Variants in KCNJ6 observed in about 807,000 individuals in gnomAD.
KCNJ6 encodes G protein-activated inward rectifier potassium channel 2.
A neutral mutation model predicts 34.2 loss-of-function variants in KCNJ6; 9 were observed. The observed-to-expected ratio is 0.26, with a 90% CI of 0.16 to 0.46. KCNJ6 has a LOEUF of 0.46. Among genes scored for constraint, KCNJ6 ranks in the 20% least tolerant of loss-of-function variants. The pLI is 1.00. For missense variants in KCNJ6, 236 were observed against 531.3 expected (o/e 0.44, Z 5.46); for synonymous variants, 196 against 207.1 (o/e 0.95, Z 0.46).
At chr21:37,718,294 C>T (rs1476859966) in intron 2 of KCNJ6, among the ~76,000 whole-genome samples, 1 of 152,172 alleles carries the variant, frequency 6.6e-6, no homozygotes. Flanking sequence ...ACCAGAAAAG[C>T]AATGATTGTG....
chr21:37,860,149 C>T (rs1399470026), intron 1 of KCNJ6, among the ~76,000 whole-genome samples: 4 of 152,200 alleles, frequency 2.6e-5, no homozygotes, highest in Non-Finnish European at 1.5e-5. Flanking sequence ...CCCAAACCCA[C>T]CTGCTGCTCG....
chr21:37,889,761 C>T (rs1016745531), intron 1 of KCNJ6, among the ~76,000 whole-genome samples: 4 of 152,124 alleles, frequency 2.6e-5, no homozygotes, highest in Admixed American at 6.5e-5. Context: ...CAATCTCTGC[C>T]ACCATCTTCA....
intron 1 of KCNJ6, among the ~76,000 whole-genome samples, chr21:37,855,987 G>A (rs1053215913): frequency 2.0e-5 from 3 of 152,222 alleles, no homozygotes; most frequent in South Asian, 2.1e-4. Flanking sequence ...GCAGGGGAGA[G>A]GGGGTGGAAG....
chr21:37,901,947 T>C (rs1456586780), intron 1 of KCNJ6, among the ~76,000 whole-genome samples: 2 of 152,236 alleles, frequency 1.3e-5, no homozygotes, highest in African/African-American at 4.8e-5. Flanking sequence ...TAATTTGTTT[T>C]TTTTAATTAT....
chr21:37,847,863 T>G (rs2055517453), intron 1 of KCNJ6, among the ~76,000 whole-genome samples: 1 of 151,604 alleles, frequency 6.6e-6, no homozygotes, highest in Admixed American at 6.6e-5. Context: ...AGAACCAGGG[T>G]GTGCCTCACG....
intron 2 of KCNJ6, among the ~76,000 whole-genome samples, chr21:37,767,188 C>T (rs893350111): frequency 6.6e-6 from 1 of 152,158 alleles, no homozygotes; most frequent in African/African-American, 2.4e-5. Context: ...TATCTGACAG[C>T]TTCAAGGATT....
At chr21:37,773,357 A>G (rs2123505329) in intron 2 of KCNJ6, among the ~76,000 whole-genome samples, 1 of 152,268 alleles carries the variant, frequency 6.6e-6, no homozygotes, top group Non-Finnish European at 1.5e-5. Flanking sequence ...TTCATTTTCA[A>G]GGGCAGGAAC....
Position 37,773,936 on chromosome 21 carries a change from C to T in KCNJ6, c.26-58805G>A, listed in dbSNP as rs191997826. ...CTGGGCTCTGTACTTCTCATGACCC[C>T]GTATTTCCTCTGGGTCACCCTCATG... On this transcript the variant is annotated intron_variant, in intron 2 of 3. Coordinates refer to ENST00000609713, the MANE Select transcript of KCNJ6 (RefSeq NM_002240.5). Among the ~76,000 whole-genome samples the T allele has an allele frequency of 9.9e-5, 15 of 152,226 alleles. No homozygotes were observed. The South Asian group carries it at 1.5e-3, about 15-fold the overall frequency.
At chr21:37,755,575 G>A (rs2055020165) in intron 2 of KCNJ6, among the ~76,000 whole-genome samples, 2 of 152,226 alleles carry the variant, frequency 1.3e-5, no homozygotes, top group Non-Finnish European at 2.9e-5. Context: ...TTTGCCATGA[G>A]GGGCAACTGA....
intron 2 of KCNJ6, among the ~76,000 whole-genome samples, chr21:37,741,936 T>G (rs977853996): frequency 2.6e-5 from 4 of 152,222 alleles, no homozygotes; most frequent in Non-Finnish European, 4.4e-5. Context: ...AGGCTATTTA[T>G]TCACACGTGC....
chr21:37,858,447 A>G (rs1374884413), intron 1 of KCNJ6, among the ~76,000 whole-genome samples: 1 of 150,696 alleles, frequency 6.6e-6, no homozygotes, highest in African/African-American at 2.4e-5. Context: ...AATTCTTAAT[A>G]TTGATAGAGC....
rs555143814 is a variant in KCNJ6, at chr21:37,891,379, G to C, written c.-28+24505C>G. The stretch of plus-strand genomic sequence containing the variant: ...CACAGGCACACATGCACGGACACAG[G>C]CATGTACACTCTGCACTGTACACGA... On this transcript the variant is annotated intron_variant, in intron 1 of 3. Transcript: ENST00000609713. 7.9e-5 allele frequency among the ~76,000 whole-genome samples: 12 copies of C among 152,118 alleles called. No homozygotes were observed. In the East Asian group the frequency reaches 2.3e-3, roughly 29 times the overall value.
At chr21:37,727,566 A>G (rs2054861424) in intron 2 of KCNJ6, among the ~76,000 whole-genome samples, 1 of 152,118 alleles carries the variant, frequency 6.6e-6, no homozygotes. Flanking sequence ...AGAAGGAGCC[A>G]AAAGGGTTTA....
chr21:37,683,913 G>T (rs1402011771), intron 3 of KCNJ6, among the ~76,000 whole-genome samples: 1 of 152,234 alleles, frequency 6.6e-6, no homozygotes, highest in Non-Finnish European at 1.5e-5. Context: ...AGGAGGCCAG[G>T]CATGAATCTT....
At chr21:37,896,035 G>A (rs1339706963) in intron 1 of KCNJ6, among the ~76,000 whole-genome samples, 1 of 152,194 alleles carries the variant, frequency 6.6e-6, no homozygotes, top group African/African-American at 2.4e-5. Flanking sequence ...CAGGAAGAAT[G>A]ATGCTGGCAT....
chr21:37,661,784 C>G (rs1347522997), intron 3 of KCNJ6, among the ~76,000 whole-genome samples: 2 of 75,312 alleles, frequency 2.7e-5, no homozygotes, highest in East Asian at 4.0e-4. Flanking sequence ...CACCATGCCC[C>G]GCTAATTTTT....
In KCNJ6 at chr21:37,786,010, A is replaced by G. The variant is rs146696904; in HGVS notation, c.25+54648T>C. On this transcript the variant is annotated intron_variant, in intron 2 of 3. Coordinates refer to ENST00000609713, the MANE Select transcript of KCNJ6 (RefSeq NM_002240.5). ...GGAGCCTCCAGAGCTGTGAGAAATA[A>G]ATCTGTGGTTTATCCGTCCCCCAGT... 1.9e-3 allele frequency among the ~76,000 whole-genome samples: 292 copies of G among 152,328 alleles called. 2 individuals carry two copies. Among genetic ancestry groups the G allele is most frequent in the African/African-American group, 6.8e-3 (281 of 41,576 alleles).
At chr21:37,701,418 T>G (rs889353291) in intron 3 of KCNJ6, among the ~76,000 whole-genome samples, 1 of 151,268 alleles carries the variant, frequency 6.6e-6, no homozygotes, top group African/African-American at 2.4e-5. Flanking sequence ...TGTGGCAATT[T>G]TAAGTGACTC....
intron 2 of KCNJ6, among the ~76,000 whole-genome samples, chr21:37,775,185 G>C (rs879157845): frequency 2.8e-5 from 4 of 141,194 alleles, no homozygotes; most frequent in Non-Finnish European, 6.3e-5. Context: ...TTGCCCACTT[G>C]TTGATGGGGT....
Sources: gnomAD v4.1 joint callset for allele counts (sites outside exome capture counted in the v4.1 genomes callset) on GRCh38, gnomAD v4.1.1 for gene constraint, MANE v1.5 for transcripts, NCBI Gene and HGNC (gene_info 2026-07-23, HGNC 2026-07-21) for gene names.